RANGAP1: variants seen among roughly 807,000 people sequenced by gnomAD.
The protein encoded by RANGAP1 is Ran GTPase activating protein 1, also known as ran GTPase-activating protein 1.
In RANGAP1, 38 loss-of-function variants were observed where a neutral mutation model predicts 63.5. That is an observed-to-expected ratio of 0.60 (90% CI 0.46 to 0.78). The LOEUF (loss-of-function observed/expected upper bound fraction) is 0.78, where lower values mean the gene tolerates loss of function less well. Among genes scored for constraint, RANGAP1 ranks in the 30% least tolerant of loss-of-function variants. RANGAP1 has a pLI of 0.00. For missense variants in RANGAP1, 630 were observed against 740.3 expected (o/e 0.85, Z 1.73); for synonymous variants, 329 against 310.5 (o/e 1.06, Z -0.63).
At chr22:41,275,321 T>C (rs1010662797) in intron 2 of RANGAP1, among the ~76,000 whole-genome samples, 1 of 152,168 alleles carries the variant, frequency 6.6e-6, no homozygotes, top group South Asian at 2.1e-4. Flanking sequence ...GGTGAAACTC[T>C]GTCTTACTAA....
At chr22:41,286,872 C>T (rs529484764), upstream of RANGAP1, among the ~76,000 whole-genome samples, 1 of 152,192 alleles carries the variant, frequency 6.6e-6, no homozygotes, top group South Asian at 2.1e-4. Flanking sequence ...CATGAGAAAC[C>T]CAAGCTGAGG....
At chr22:41,256,998 C>A (rs2033882452) in intron 7 of RANGAP1, among the ~76,000 whole-genome samples, 174 bp from the exon 8 acceptor site, 1 of 151,806 alleles carries the variant, frequency 6.6e-6, no homozygotes, top group Non-Finnish European at 1.5e-5. Context: ...CCTGGCCAAA[C>A]CTCCTCCACC....
At chr22:41,285,444 A>C (rs1015697359) in intron 1 of RANGAP1, 2 of 941,852 alleles carry the variant, frequency 2.1e-6, no homozygotes, top group Non-Finnish European at 2.5e-6. Flanking sequence ...GAGCAAAAGC[A>C]AAGGGCTAAT....
Position 41,245,254 on chromosome 22 carries a change from A to G in RANGAP1, c.*1349T>C, listed in dbSNP as rs2032959153. Reference sequence around the variant, plus strand: ...CCGTTTGTGGGGGACATGGGCTCCCAAAGCACATACATGGTGTAGGGTAGG... The same window carrying G: ...CCGTTTGTGGGGGACATGGGCTCCCGAAGCACATACATGGTGTAGGGTAGG... On this transcript the variant is annotated 3_prime_UTR_variant, in exon 16 of 16. Coordinates refer to ENST00000356244, the MANE Select transcript of RANGAP1 (RefSeq NM_002883.4). 6.6e-6 allele frequency among the ~76,000 whole-genome samples: 1 copy of G among 152,234 alleles called. No homozygotes were observed. Among genetic ancestry groups the G allele is most frequent in the Admixed American group, 6.5e-5 (1 of 15,290 alleles).
At chr22:41,288,862 A>T (rs959181069), upstream of RANGAP1, among the ~76,000 whole-genome samples, 2 of 151,244 alleles carry the variant, frequency 1.3e-5, no homozygotes, top group Non-Finnish European at 2.9e-5. Flanking sequence ...GCTAAAAATC[A>T]CAAACTCAGC....
chr22:41,288,920 A>ATTTTTT (rs10657576), upstream of RANGAP1, among the ~76,000 whole-genome samples: 5 of 111,120 alleles, frequency 4.5e-5, no homozygotes, highest in African/African-American at 1.8e-4. Context: ...CTATATCCTG[A>ATTTTTT]TTTTTTTTTT....
Position 41,257,946 on chromosome 22 carries a change from A to G in RANGAP1, c.774+2T>C. On this transcript the variant is annotated splice_donor_variant, in intron 7 of 15. Coordinates refer to ENST00000356244, the MANE Select transcript of RANGAP1 (RefSeq NM_002883.4). LOFTEE classifies it high-confidence loss of function. The surrounding 1 kb of genome is among the most constrained non-coding windows in gnomAD (Gnocchi z 4.0). ...CAACTGGCTCTGCCACACTCGCCTC[A>G]CCTCGGCCATGGCCACGGCGCCCTT... The G allele has an allele frequency of 1.3e-6, 2 of 1,599,784 alleles. No individual in the cohort carries two copies. The highest frequency in any genetic ancestry group is 1.7e-6 in the Non-Finnish European group (2 of 1,171,136).
At chr22:41,281,761 ACCAG>A (rs1194269839) in intron 1 of RANGAP1, 1 of 500,588 alleles carries the variant, frequency 2.0e-6, no homozygotes, top group African/African-American at 2.1e-5. Flanking sequence ...ACTCAAGTCT[ACCAG>A]AAGATTTGGG....
At chr22:41,288,065 C>T (rs2035794546), upstream of RANGAP1, among the ~76,000 whole-genome samples, 1 of 152,144 alleles carries the variant, frequency 6.6e-6, no homozygotes, top group Admixed American at 6.6e-5. Flanking sequence ...ATCTTCACCA[C>T]CACAAGGGAA....
In RANGAP1 at chr22:41,252,891, G is replaced by C. The variant is rs760970651; in HGVS notation, c.1361C>G (p.Ser454Cys). ...TATTACCTGCTGGGCTATCAGCACGGAGCTCTTGGGCCCTAGGCGCAGCAG... is the reference window on the plus strand; with the variant it reads ...TATTACCTGCTGGGCTATCAGCACGCAGCTCTTGGGCCCTAGGCGCAGCAG... ...EKLLRLGPKS[S>C]VLIAQQTDTS... The change falls in exon 12 of 16, where the codon TCC becomes TGC. Residue 454 changes from serine (S) to cysteine (C), a missense_variant. Physicochemically the swap from Ser to Cys is moderately radical, Grantham distance 112 (BLOSUM62 -1). Transcript: ENST00000356244. 1.9e-6 allele frequency: 3 copies of C among 1,575,244 alleles called. No homozygotes were observed. Among genetic ancestry groups the C allele is most frequent in the Non-Finnish European group, 2.6e-6 (3 of 1,162,386 alleles).
In RANGAP1 at chr22:41,257,850, A is replaced by G; in HGVS notation, c.774+98T>C. The G allele has an allele frequency of 7.3e-7, 1 of 1,374,452 alleles. No homozygotes were observed. The highest frequency in any genetic ancestry group is 9.9e-7 in the Non-Finnish European group (1 of 1,011,444). The allele number at this position is 1,374,452 out of a possible 1,614,324, so 85.1% of individuals were successfully genotyped here. Reference sequence around the variant, plus strand: ...CACACCCAGGGGGCAGGCAGGGGGTAGAGGAGTCCCTGCTAAACGGAGCCC... The same window carrying G: ...CACACCCAGGGGGCAGGCAGGGGGTGGAGGAGTCCCTGCTAAACGGAGCCC... On this transcript the variant is annotated intron_variant, in intron 7 of 15. Coordinates refer to ENST00000356244, the MANE Select transcript of RANGAP1 (RefSeq NM_002883.4). This position sits in a 1 kb window ranked among gnomAD's most constrained non-coding sequence, Gnocchi z 4.0.
At chr22:41,266,823 G>C (rs985056788) in intron 4 of RANGAP1, among the ~76,000 whole-genome samples, 1 of 151,688 alleles carries the variant, frequency 6.6e-6, no homozygotes, top group Non-Finnish European at 1.5e-5. Flanking sequence ...TGGGATTACA[G>C]GCGTGAGCCA....
At chr22:41,250,381 T>C (rs1036462496) in intron 13 of RANGAP1, among the ~76,000 whole-genome samples, 4 of 152,190 alleles carry the variant, frequency 2.6e-5, no homozygotes, top group Admixed American at 6.5e-5. Context: ...TTCTATCTTT[T>C]CCAGGAACCG....
At chr22:41,293,695 C>T in the RANGAP1 span, among the ~76,000 whole-genome samples, 2 of 142,416 alleles carry the variant, frequency 1.4e-5, no homozygotes, top group East Asian at 4.1e-4. Context: ...AGGAGAATGG[C>T]GAGAACCCGG....
chr22:41,252,505 G>A (rs1275104974), intron 12 of RANGAP1, among the ~76,000 whole-genome samples: 2 of 152,082 alleles, frequency 1.3e-5, no homozygotes, highest in Admixed American at 1.3e-4. Flanking sequence ...CAATAGGCAC[G>A]TCACTTCCAA....
intron 15 of RANGAP1, 71 bp downstream of exon 15, chr22:41,249,259 C>T (rs899589430): frequency 1.2e-5 from 18 of 1,505,202 alleles, no homozygotes; most frequent in East Asian, 4.6e-5. Flanking sequence ...CTCCCGGAAC[C>T]GGGCGCCTTC....
intron 12 of RANGAP1, 129 bp downstream of exon 12, chr22:41,252,743 G>T: frequency 1.8e-6 from 2 of 1,126,218 alleles, no homozygotes; most frequent in Non-Finnish European, 2.4e-6. Context: ...TGTAACAGTG[G>T]CAGGCCAAGC....
the RANGAP1 span, among the ~76,000 whole-genome samples, chr22:41,297,942 G>A: frequency 4.0e-5 from 6 of 150,526 alleles, no homozygotes; most frequent in Admixed American, 6.6e-5. Context: ...TCACTACAAC[G>A]TCCGCCTCCT....
intron 2 of RANGAP1, chr22:41,277,587 G>GTTC: frequency 1.0e-6 from 1 of 1,003,750 alleles, no homozygotes; most frequent in Non-Finnish European, 1.3e-6. Flanking sequence ...TTCTGGTCAA[G>GTTC]AAGGGTCTTG....
Sources: allele counts gnomAD v4.1 joint callset (sites outside exome capture counted in the v4.1 genomes callset), GRCh38; gene constraint gnomAD v4.1.1; non-coding constraint Gnocchi (gnomAD v3.1); transcripts MANE v1.5; gene names NCBI Gene and HGNC (gene_info 2026-07-23, HGNC 2026-07-21).